Variants in RUVBL1 observed in about 807,000 individuals in gnomAD.
RUVBL1 encodes ruvB-like 1.
In RUVBL1, 4 loss-of-function variants were observed where a neutral mutation model predicts 52.4. The observed-to-expected ratio is 0.08, with a 90% confidence interval of 0.04 to 0.17. The LOEUF (loss-of-function observed/expected upper bound fraction) is 0.17. Among genes scored for constraint, RUVBL1 ranks in the 10% least tolerant of loss-of-function variants. The probability of loss-of-function intolerance (pLI) is 1.00; values close to 1 mark genes in which losing one functional copy is unlikely to be tolerated. For synonymous variants in RUVBL1, 217 were observed against 214.4 expected (o/e 1.01, Z -0.10); for missense variants, 298 against 572.8 (o/e 0.52, Z 4.90).
Position 128,067,771 on chromosome 3 carries a change from G to A in RUVBL1, c.940-2551C>T, listed in dbSNP as rs1187395127. On this transcript the variant is annotated intron_variant, in intron 9 of 9. Transcript: ENST00000464873. The surrounding 1 kb of genome is among the most constrained non-coding windows in gnomAD (Gnocchi z 4.1). ...GAAGCTTTAAGGGCTGACAGATGGA[G>A]TCCAGCAGTAGATCAGCTGTGGGTA... 1.0e-5 allele frequency: 7 copies of A among 673,192 alleles called. No homozygotes were observed. The highest frequency in any genetic ancestry group is 1.8e-5 in the African/African-American group (1 of 55,434). The allele number at this position is 673,192 out of a possible 1,614,324, so 41.7% of individuals were successfully genotyped here.
intron 2 of RUVBL1, among the ~76,000 whole-genome samples, chr3:128,116,785 C>T (rs1482905718): frequency 1.3e-5 from 2 of 152,146 alleles, no homozygotes; most frequent in Non-Finnish European, 1.5e-5. Flanking sequence ...ATTTCTCTAC[C>T]ACAGTGGATA....
At chr3:128,150,714 A>ATATATTATATATTCTATATATATTC (rs1944175507) in intron 1 of RUVBL1, among the ~76,000 whole-genome samples, 20 of 121,146 alleles carry the variant, frequency 1.7e-4, no homozygotes, top group Non-Finnish European at 2.9e-4. Flanking sequence ...TATATATTCT[A>ATATATTATATATTCTATATATATTC]TATATTATAT....
At position 128,081,453 on chromosome 3, in the gene RUVBL1, C is replaced by T. The variant is rs535682052; in HGVS notation, c.1212-44G>A. Reference sequence around the variant, plus strand: ...AGGGCTGGAGTGAAACTGGGGCCACCGAAGAAAGCACCTTCCCCCCACATC... The same window carrying T: ...AGGGCTGGAGTGAAACTGGGGCCACTGAAGAAAGCACCTTCCCCCCACATC... On this transcript the variant is annotated intron_variant, in intron 10 of 10. Coordinates refer to ENST00000322623, the MANE Select transcript of RUVBL1 (RefSeq NM_003707.3). The surrounding 1 kb of genome is among the most constrained non-coding windows in gnomAD (Gnocchi z 4.8). 2.5e-5 allele frequency: 39 copies of T among 1,577,678 alleles called. No homozygotes were observed. The South Asian group carries it at 3.5e-4, about 14-fold the overall frequency.
chr3:128,099,236 C>T (rs763827290), intron 6 of RUVBL1, among the ~76,000 whole-genome samples: 1 of 152,210 alleles, frequency 6.6e-6, no homozygotes, highest in Non-Finnish European at 1.5e-5. Context: ...ACAAGACTAC[C>T]AGCCCTGCCC....
intron 1 of RUVBL1, among the ~76,000 whole-genome samples, chr3:128,136,249 G>A (rs1031659451): frequency 2.0e-5 from 3 of 151,966 alleles, no homozygotes; most frequent in East Asian, 1.9e-4. Flanking sequence ...CAAAATGACC[G>A]TAGTGAGCCC....
chr3:128,129,297 A>G (rs1172667096), intron 1 of RUVBL1, among the ~76,000 whole-genome samples: 1 of 152,268 alleles, frequency 6.6e-6, no homozygotes, highest in Non-Finnish European at 1.5e-5. Context: ...TAAACCATAC[A>G]TTCTTAAACA....
intron 9 of RUVBL1, chr3:128,075,675 C>G (rs1942294958): frequency 7.0e-6 from 1 of 142,528 alleles, no homozygotes; most frequent in Non-Finnish European, 1.6e-5. Context: ...CTGGCCACGC[C>G]CCCATGGGGG....
intron 9 of RUVBL1, chr3:128,066,581 C>T (rs1333172558): frequency 1.3e-5 from 3 of 227,700 alleles, no homozygotes; most frequent in African/African-American, 6.9e-5. Context: ...CACCACCACA[C>T]CCGGCCAGTT....
chr3:128,085,744 A>C (rs1378914168), intron 9 of RUVBL1, among the ~76,000 whole-genome samples: 1 of 152,226 alleles, frequency 6.6e-6, no homozygotes, highest in Non-Finnish European at 1.5e-5. Context: ...GGAGAGCAGC[A>C]GAAGTGCCAG....
intron 1 of RUVBL1, among the ~76,000 whole-genome samples, chr3:128,150,809 ATATATTATATATTC>A (rs1944180903): frequency 1.0e-5 from 1 of 98,730 alleles, no homozygotes; most frequent in Non-Finnish European, 1.8e-5. Flanking sequence ...TATATATTCT[ATATATTATATATTC>A]TATATATTAT....
rs1481792027 is a variant in RUVBL1, at chr3:128,089,199, T to C, written c.1017-1391A>G. Among the ~76,000 whole-genome samples the C allele has an allele frequency of 2.0e-5, 3 of 152,250 alleles. No homozygotes were observed. The East Asian group carries it at 5.8e-4, about 29-fold the overall frequency. On this transcript the variant is annotated intron_variant, in intron 8 of 10. Transcript: ENST00000322623. ...TTTGAGAAGGGTCCAATCCCATCTT[T>C]TGCCTATTTTTCTCTTGAACCCTTA...
Position 128,066,868 on chromosome 3 carries a change from C to A in RUVBL1, c.940-1648G>T, listed in dbSNP as rs112193426. On this transcript the variant is annotated intron_variant, in intron 9 of 9. Transcript: ENST00000464873. ...ACAGGATTTCCTCCCTTGTGGCCCA[C>A]TGGACAGTCCCCGGCCGGGCTGTGT... is the stretch of plus-strand genomic sequence containing the variant. The A allele has an allele frequency of 1.3e-5, 18 of 1,352,080 alleles. No homozygotes were observed. In the African/African-American group the frequency reaches 2.4e-4, roughly 18 times the overall value. The allele number at this position is 1,352,080 out of a possible 1,614,324, so 83.8% of individuals were successfully genotyped here.
At position 128,112,916 on chromosome 3, in the gene RUVBL1, C is replaced by T. The variant is rs755571037; in HGVS notation, c.333G>A (p.Val111=). 4.3e-6 allele frequency: 7 copies of T among 1,614,050 alleles called. No homozygotes were observed. Among genetic ancestry groups the T allele is most frequent in the Admixed American group, 1.7e-5 (1 of 60,000 alleles). The part of the protein sequence containing the change: ...VYSTEIKKTE[V]LMENFRRAIG... ...TGGCCCTGCGGAAGTTCTCCATCAGCACCTCTGTCTTCTTGATCTCAGTTG... is the reference window on the plus strand; with the variant it reads ...TGGCCCTGCGGAAGTTCTCCATCAGTACCTCTGTCTTCTTGATCTCAGTTG... Residue 111 remains valine, a synonymous_variant, in exon 3 of 11, where the codon GTG becomes GTA. Coordinates refer to ENST00000322623, the MANE Select transcript of RUVBL1 (RefSeq NM_003707.3).
At chr3:128,106,801 A>T (rs899032376) in intron 3 of RUVBL1, among the ~76,000 whole-genome samples, 7 of 152,320 alleles carry the variant, frequency 4.6e-5, no homozygotes, top group Non-Finnish European at 8.8e-5. Context: ...TGTATCACCG[A>T]AACACCCTCA....
chr3:128,153,426 G>A, exon 1 of RUVBL1: 2 of 1,419,944 alleles, frequency 1.4e-6, no homozygotes, highest in East Asian at 2.8e-5. Context: ...TTACGGGGGG[G>A]CAACTTAACG....
Position 128,067,884 on chromosome 3 carries a change from G to T in RUVBL1, c.940-2664C>A. The T allele has an allele frequency of 1.1e-6, 1 of 932,386 alleles. No individual in the cohort carries two copies. 57.8% of individuals were successfully genotyped at this position (932,386 alleles called of 1,614,324 possible). A position where few individuals can be genotyped will look rare whatever the true frequency, so the allele number is the denominator to read the frequency against. On this transcript the variant is annotated intron_variant, in intron 9 of 9. Coordinates refer to the RUVBL1 transcript ENST00000464873. The surrounding 1 kb of genome is among the most constrained non-coding windows in gnomAD (Gnocchi z 4.1). ...AAAGTTCTCTGTATGAATATTGTCA[G>T]TGCTCGAAGAGGCGATCTGTAACTG...
At chr3:128,104,131 C>T (rs1022263805) in intron 4 of RUVBL1, among the ~76,000 whole-genome samples, 3 of 152,196 alleles carry the variant, frequency 2.0e-5, no homozygotes, top group Non-Finnish European at 4.4e-5. Context: ...GACTTAGACT[C>T]CAAAACTCAT....
intron 1 of RUVBL1, among the ~76,000 whole-genome samples, chr3:128,148,743 T>C (rs987978986): frequency 1.3e-5 from 2 of 152,200 alleles, no homozygotes; most frequent in African/African-American, 4.8e-5. Context: ...TACAAGCACA[T>C]ATATATAGAG....
chr3:128,078,376 G>A (rs984506870), downstream of RUVBL1, among the ~76,000 whole-genome samples: 18 of 152,330 alleles, frequency 1.2e-4, no homozygotes, highest in African/African-American at 4.3e-4. Context: ...AGAAAATGAG[G>A]CAGGGCACAA....
Sources: gnomAD v4.1 joint callset for allele counts (sites outside exome capture counted in the v4.1 genomes callset) on GRCh38, gnomAD v4.1.1 for gene constraint, Gnocchi (gnomAD v3.1) non-coding constraint, MANE v1.5 for transcripts, NCBI Gene and HGNC (gene_info 2026-07-23, HGNC 2026-07-21) for gene names.